Variants in CDH8 observed in about 807,000 individuals in gnomAD.
CDH8 encodes the protein cadherin-8.
A neutral mutation model predicts 68.1 loss-of-function variants in CDH8; 17 were observed. That is an observed-to-expected ratio of 0.25 (90% CI 0.17 to 0.37). The LOEUF is 0.37. Among genes scored for constraint, CDH8 ranks in the 10% least tolerant of loss-of-function variants. The pLI, the probability that CDH8 is intolerant of heterozygous loss-of-function variation, is 1.00. For missense variants in CDH8, 763 were observed against 999.3 expected (o/e 0.76, Z 3.19); for synonymous variants, 372 against 365.1 (o/e 1.02, Z -0.21).
At chr16:61,850,373 A>G (rs1962912589) in intron 4 of CDH8, among the ~76,000 whole-genome samples, 1 of 151,898 alleles carries the variant, frequency 6.6e-6, no homozygotes, top group Admixed American at 6.6e-5. Flanking sequence ...TGACCCAAAC[A>G]CCTCTCACTA....
chr16:61,987,526 A>G (rs952044714), intron 2 of CDH8, among the ~76,000 whole-genome samples: 2 of 152,064 alleles, frequency 1.3e-5, no homozygotes, highest in Non-Finnish European at 2.9e-5. Flanking sequence ...TAATAACAAA[A>G]TGAAATAAAT....
At chr16:61,811,023 C>CAAAA (rs34071898) in intron 7 of CDH8, among the ~76,000 whole-genome samples, 6 of 87,678 alleles carry the variant, frequency 6.8e-5, no homozygotes, top group African/African-American at 1.2e-4. Context: ...GACTCTGTCT[C>CAAAA]AAAAAAAAAA....
intron 8 of CDH8, among the ~76,000 whole-genome samples, chr16:61,778,978 C>T (rs886260423): frequency 6.6e-6 from 1 of 152,212 alleles, no homozygotes; most frequent in African/African-American, 2.4e-5. Context: ...CCATCATTAG[C>T]GAAAAGCTTC....
chr16:61,935,092 A>G (rs1964608202), intron 2 of CDH8, among the ~76,000 whole-genome samples: 1 of 152,334 alleles, frequency 6.6e-6, no homozygotes, highest in African/African-American at 2.4e-5. Context: ...ATGATTACAC[A>G]TGGATTGGAC....
At position 61,959,970 on chromosome 16, in the gene CDH8, ATGTGTG is replaced by A. The variant is rs1306078439; in HGVS notation, c.253-58503_253-58498del. Among the ~76,000 whole-genome samples the A allele has an allele frequency of 7.6e-5, 3 of 39,716 alleles. 1 individual carries two copies. The highest frequency in any genetic ancestry group is 4.8e-4 in the African/African-American group (3 of 6,244). The allele number at this position is 39,716 out of a possible 152,430, so 26.1% of individuals were successfully genotyped here. On this transcript the variant is annotated intron_variant, in intron 2 of 11. Coordinates refer to ENST00000577390, the MANE Select transcript of CDH8 (RefSeq NM_001796.5). ...ACAAATCTTTCTCTGTATGTGGTGT[ATGTGTG>A]TGTGTGTGTATATATATATATATAT...
chr16:62,029,979 C>A (rs1902286170), intron 1 of CDH8, among the ~76,000 whole-genome samples: 1 of 152,162 alleles, frequency 6.6e-6, no homozygotes, highest in Non-Finnish European at 1.5e-5. Flanking sequence ...GTCTCTTATA[C>A]TGAAATTGAA....
chr16:61,845,510 A>AAAAAT (rs1962787796), intron 4 of CDH8, among the ~76,000 whole-genome samples: 1 of 150,998 alleles, frequency 6.6e-6, no homozygotes, highest in African/African-American at 2.5e-5. Flanking sequence ...TGTAAAAAAA[A>AAAAAT]AAAAAAAAAA....
chr16:61,849,707 C>T (rs1429755095), intron 4 of CDH8, among the ~76,000 whole-genome samples: 1 of 152,128 alleles, frequency 6.6e-6, no homozygotes. Flanking sequence ...CACTGCATGT[C>T]ACTCCTGCCT....
At chr16:61,882,487 T>C (rs1408009289) in intron 3 of CDH8, among the ~76,000 whole-genome samples, 1 of 152,234 alleles carries the variant, frequency 6.6e-6, no homozygotes. Flanking sequence ...CAGGAGACAC[T>C]TTGTGCCTAC....
intron 4 of CDH8, among the ~76,000 whole-genome samples, chr16:61,853,713 G>C (rs556589125): frequency 1.3e-5 from 2 of 152,056 alleles, no homozygotes; most frequent in Admixed American, 6.6e-5. Flanking sequence ...CTTAGGTAAC[G>C]AGTCTCTGCT....
chr16:61,902,668 G>GCC (rs769915129), intron 2 of CDH8, among the ~76,000 whole-genome samples: 29 of 150,260 alleles, frequency 1.9e-4, no homozygotes, highest in Non-Finnish European at 3.2e-4. Flanking sequence ...ATTCAGAACA[G>GCC]CCTCTTTCAC....
rs1358702182 is a variant in CDH8 at position 61,847,576 on chromosome 16, A to G, written c.667+9543T>C. On this transcript the variant is annotated intron_variant, in intron 4 of 11. Coordinates refer to ENST00000577390, the MANE Select transcript of CDH8 (RefSeq NM_001796.5). ...TATATATATATATATATATGTAATT[A>G]ATATATAAAATTAATTATGGGAGGT... Among the ~76,000 whole-genome samples, 8 of 144,938 alleles carry G rather than the reference A, an allele frequency of 5.5e-5. No homozygotes were observed. The East Asian group carries it at 1.6e-3, about 29-fold the overall frequency.
At chr16:62,013,863 A>T (rs1310213219) in intron 2 of CDH8, among the ~76,000 whole-genome samples, 1 of 152,186 alleles carries the variant, frequency 6.6e-6, no homozygotes, top group Non-Finnish European at 1.5e-5. Flanking sequence ...TGGTTGTGTC[A>T]TCCGTAAACA....
intron 6 of CDH8, among the ~76,000 whole-genome samples, chr16:61,819,887 G>A (rs927014045): frequency 2.6e-5 from 4 of 152,086 alleles, no homozygotes; most frequent in African/African-American, 9.7e-5. Flanking sequence ...TCTACTTGAT[G>A]ACAAAGGTTT....
chr16:61,976,138 T>C (rs1353131835), intron 2 of CDH8, among the ~76,000 whole-genome samples: 1 of 152,182 alleles, frequency 6.6e-6, no homozygotes, highest in South Asian at 2.1e-4. Flanking sequence ...GACTGAAAGT[T>C]CCTCAGAGAA....
intron 3 of CDH8, among the ~76,000 whole-genome samples, chr16:61,873,591 C>T (rs1364229972): frequency 6.6e-6 from 1 of 152,154 alleles, no homozygotes; most frequent in African/African-American, 2.4e-5. Flanking sequence ...AATTTTTGAC[C>T]TTTATGATGG....
At chr16:61,679,051 A>G (rs1201192144) in intron 10 of CDH8, among the ~76,000 whole-genome samples, 1 of 152,088 alleles carries the variant, frequency 6.6e-6, no homozygotes, top group Non-Finnish European at 1.5e-5. Flanking sequence ...CTTCTAAGTT[A>G]GAATTGTGTG....
chr16:61,796,645 C>A (rs1430744910), intron 7 of CDH8, among the ~76,000 whole-genome samples: 1 of 152,068 alleles, frequency 6.6e-6, no homozygotes, highest in Admixed American at 6.6e-5. Context: ...CAACAAGTAT[C>A]CTGATTGGCT....
chr16:61,844,553 A>G (rs1252384130), intron 4 of CDH8, among the ~76,000 whole-genome samples: 2 of 152,236 alleles, frequency 1.3e-5, no homozygotes, highest in Admixed American at 6.5e-5. Flanking sequence ...TAGGAGGCAC[A>G]TTACTTTAGA....
Sources: gnomAD v4.1 joint callset for allele counts (sites outside exome capture counted in the v4.1 genomes callset) on GRCh38, gnomAD v4.1.1 for gene constraint, MANE v1.5 for transcripts, NCBI Gene and HGNC (gene_info 2026-07-23, HGNC 2026-07-21) for gene names.